SH3RF3: variants seen among roughly 807,000 people sequenced by gnomAD.
The protein encoded by SH3RF3 is SH3 domain containing ring finger 3.
Under a neutral mutation model 66.3 loss-of-function variants are expected in SH3RF3, and 29 were observed. The observed-to-expected ratio is 0.44, with a 90% CI of 0.33 to 0.60. SH3RF3 has a LOEUF of 0.60. Among genes scored for constraint, SH3RF3 ranks in the 20% least tolerant of loss-of-function variants. SH3RF3 has a pLI of 0.04. For missense variants in SH3RF3, 1,194 were observed against 1,190.9 expected (o/e 1.00, Z -0.04); for synonymous variants, 583 against 532.0 (o/e 1.10, Z -1.32).
intron 1 of SH3RF3, among the ~76,000 whole-genome samples, chr2:109,177,778 G>A (rs1156261041): frequency 6.6e-6 from 1 of 152,212 alleles, no homozygotes; most frequent in African/African-American, 2.4e-5. Context: ...GATTTCAGAT[G>A]TAAGAAATAT....
intron 1 of SH3RF3, among the ~76,000 whole-genome samples, chr2:109,249,445 A>ATC (rs777510768): frequency 1.3e-4 from 19 of 147,934 alleles, no homozygotes; most frequent in Non-Finnish European, 2.1e-4. Flanking sequence ...CCTGCACCAG[A>ATC]TCTCTCTCTC....
intron 1 of SH3RF3, among the ~76,000 whole-genome samples, chr2:109,313,900 G>T (rs541362015): frequency 1.3e-5 from 1 of 75,568 alleles, no homozygotes; most frequent in East Asian, 3.1e-4. Context: ...GGAGATATTT[G>T]AAAGGTGTGT....
intron 1 of SH3RF3, among the ~76,000 whole-genome samples, chr2:109,297,656 C>T (rs1411369566): frequency 6.6e-6 from 1 of 151,466 alleles, no homozygotes; most frequent in East Asian, 1.9e-4. Flanking sequence ...GGCCAGTGTC[C>T]CCCACCCTGG....
intron 1 of SH3RF3, among the ~76,000 whole-genome samples, chr2:109,299,790 G>A (rs943398120): frequency 1.1e-4 from 17 of 152,156 alleles, no homozygotes; most frequent in African/African-American, 3.4e-4. Flanking sequence ...GGATGTGGCC[G>A]TGGTGTGGGC....
At chr2:109,290,458 C>G (rs771612257) in intron 1 of SH3RF3, among the ~76,000 whole-genome samples, 1 of 152,250 alleles carries the variant, frequency 6.6e-6, no homozygotes, top group Non-Finnish European at 1.5e-5. Flanking sequence ...TTTCATTACC[C>G]GGAATCCTCA....
rs952945993 is a variant in SH3RF3 at position 109,129,584 on chromosome 2, C to T, written c.44C>T (p.Ala15Val). 7 of 1,483,230 alleles carry T rather than the reference C, an allele frequency of 4.7e-6. No individual in the cohort carries two copies. The Admixed American group carries it at 9.3e-5, about 20-fold the overall frequency. The allele number at this position is 1,483,230 out of a possible 1,614,324, so 91.9% of individuals were successfully genotyped here. The change falls in exon 1 of 10, where the codon GCC (alanine) becomes GTC (valine). Residue 15 changes from alanine (A) to valine (V), a missense_variant. Transcript: ENST00000309415. ...ASWLCASKAAAAAAQSEGDED... is the reference protein window; with the variant it reads ...ASWLCASKAAVAAAQSEGDED... ...TGGCTGTGCGCATCCAAGGCGGCCG[C>T]CGCTGCTGCGCAGAGCGAGGGCGAC...
chr2:109,336,212 GAGA>G (rs1682417765), intron 1 of SH3RF3, among the ~76,000 whole-genome samples: 1 of 152,222 alleles, frequency 6.6e-6, no homozygotes, highest in Non-Finnish European at 1.5e-5. Flanking sequence ...TGGCCTGCAG[GAGA>G]AGGATTCTCC....
intron 1 of SH3RF3, among the ~76,000 whole-genome samples, chr2:109,312,678 C>T (rs1681758763): frequency 6.6e-6 from 1 of 152,212 alleles, no homozygotes; most frequent in African/African-American, 2.4e-5. Context: ...GAAGTTCATC[C>T]AGGATCATAG....
At chr2:109,220,177 T>C (rs1679198637) in intron 1 of SH3RF3, among the ~76,000 whole-genome samples, 1 of 152,218 alleles carries the variant, frequency 6.6e-6, no homozygotes, top group Non-Finnish European at 1.5e-5. Context: ...CAATGAGGAA[T>C]GGGCAGCCTT....
intron 1 of SH3RF3, among the ~76,000 whole-genome samples, chr2:109,267,994 G>A (rs1012138714): frequency 3.9e-5 from 6 of 151,906 alleles, no homozygotes; most frequent in African/African-American, 9.7e-5. Flanking sequence ...CGGGTGAAAC[G>A]GACATCCCCA....
At chr2:109,419,070 G>A (rs1299816058) in intron 4 of SH3RF3, among the ~76,000 whole-genome samples, 7 of 152,176 alleles carry the variant, frequency 4.6e-5, no homozygotes, top group African/African-American at 7.2e-5. Context: ...TGTGACTCCC[G>A]GTCCTCTTGG....
intron 1 of SH3RF3, among the ~76,000 whole-genome samples, chr2:109,231,583 T>G (rs1386877590): frequency 6.6e-6 from 1 of 152,250 alleles, no homozygotes; most frequent in Non-Finnish European, 1.5e-5. Context: ...CATGATAAGC[T>G]ACTTCTTTCC....
intron 1 of SH3RF3, among the ~76,000 whole-genome samples, chr2:109,250,707 A>C (rs1680069166): frequency 2.6e-5 from 4 of 151,998 alleles, no homozygotes; most frequent in Admixed American, 2.0e-4. Context: ...ACCTAGAAGC[A>C]AACTACCATA....
intron 1 of SH3RF3, among the ~76,000 whole-genome samples, chr2:109,308,569 A>C (rs1465289840): frequency 1.6e-4 from 9 of 57,198 alleles, no homozygotes; most frequent in Non-Finnish European, 2.5e-4. Context: ...CTAACATTTA[A>C]ATCTTTAATC....
intron 1 of SH3RF3, among the ~76,000 whole-genome samples, chr2:109,213,336 G>A (rs1679035866): frequency 1.3e-5 from 2 of 152,160 alleles, no homozygotes; most frequent in Admixed American, 6.5e-5. Flanking sequence ...AACGCAGCCC[G>A]GGCATCTTGT....
At chr2:109,254,204 C>T (rs1574531802) in intron 1 of SH3RF3, among the ~76,000 whole-genome samples, 1 of 152,280 alleles carries the variant, frequency 6.6e-6, no homozygotes, top group East Asian at 1.9e-4. Flanking sequence ...TTATAGACTT[C>T]TTCACTCCAC....
intron 8 of SH3RF3, among the ~76,000 whole-genome samples, chr2:109,481,172 A>G (rs1313475550): frequency 6.6e-6 from 1 of 152,188 alleles, no homozygotes; most frequent in African/African-American, 2.4e-5. Context: ...GAACATCTCA[A>G]TGGAGAGGTG....
intron 1 of SH3RF3, among the ~76,000 whole-genome samples, chr2:109,245,406 T>A (rs1319241352): frequency 6.6e-6 from 1 of 152,240 alleles, no homozygotes; most frequent in Non-Finnish European, 1.5e-5. Flanking sequence ...TTTGTTTCTT[T>A]GTGGTTTTTG....
At chr2:109,280,449 G>A (rs1467652087) in intron 1 of SH3RF3, among the ~76,000 whole-genome samples, 5 of 152,182 alleles carry the variant, frequency 3.3e-5, no homozygotes, top group African/African-American at 1.2e-4. Context: ...CTCAGCAATA[G>A]GAAGGGGAGC....
Sources: allele counts gnomAD v4.1 joint callset (sites outside exome capture counted in the v4.1 genomes callset), GRCh38; gene constraint gnomAD v4.1.1; transcripts MANE v1.5; gene names NCBI Gene and HGNC (gene_info 2026-07-23, HGNC 2026-07-21).